Variants in SCHIP1 observed in about 807,000 individuals in gnomAD.
The protein encoded by SCHIP1 is schwannomin interacting protein 1.
Under a neutral mutation model 29.7 loss-of-function variants are expected in SCHIP1, and 8 were observed. The ratio of observed to expected loss-of-function variants is 0.27; its 90% CI spans 0.16 to 0.49. The LOEUF (loss-of-function observed/expected upper bound fraction) is 0.49, where lower values mean the gene tolerates loss of function less well. SCHIP1 is among the 20% of genes least tolerant of loss of function. The pLI is 0.99. For missense variants in SCHIP1, 193 were observed against 294.6 expected (o/e 0.66, Z 2.52); for synonymous variants, 76 against 94.9 (o/e 0.80, Z 1.16).
At chr3:159,782,892 C>T in the SCHIP1 span, among the ~76,000 whole-genome samples, 1 of 152,176 alleles carries the variant, frequency 6.6e-6, no homozygotes, top group Admixed American at 6.5e-5. Context: ...CTCAACACAC[C>T]CAGAGAGCTC....
At chr3:159,282,273 C>T in the SCHIP1 span, among the ~76,000 whole-genome samples, 1 of 151,866 alleles carries the variant, frequency 6.6e-6, no homozygotes, top group Non-Finnish European at 1.5e-5. Context: ...TGAAAGTGGC[C>T]TGTGTTTAAA....
the SCHIP1 span, among the ~76,000 whole-genome samples, chr3:159,325,544 C>G: frequency 2.0e-5 from 3 of 152,134 alleles, no homozygotes; most frequent in African/African-American, 7.2e-5. Flanking sequence ...GATTCTGAAT[C>G]CAAATGGCCT....
the SCHIP1 span, chr3:159,375,832 T>C: frequency 1.3e-6 from 1 of 785,388 alleles, no homozygotes; most frequent in Non-Finnish European, 1.5e-6. Context: ...GCAGGAATCA[T>C]CAATGAAAGG....
the SCHIP1 span, among the ~76,000 whole-genome samples, chr3:159,351,562 T>G: frequency 1.3e-5 from 2 of 152,136 alleles, no homozygotes; most frequent in East Asian, 3.9e-4. Context: ...ATATTTCTAT[T>G]TAAAATTTTT....
chr3:159,493,990 T>A, the SCHIP1 span, among the ~76,000 whole-genome samples: 1 of 152,058 alleles, frequency 6.6e-6, no homozygotes, highest in Non-Finnish European at 1.5e-5. Flanking sequence ...AACAACCTGC[T>A]CCTGAATGAC....
chr3:159,480,817 G>A, the SCHIP1 span, among the ~76,000 whole-genome samples: 36 of 152,266 alleles, frequency 2.4e-4, no homozygotes, highest in African/African-American at 7.7e-4. Flanking sequence ...TGTGAACAGA[G>A]TCCACCAAAT....
the SCHIP1 span, among the ~76,000 whole-genome samples, chr3:159,811,841 GGAA>G: frequency 1.3e-5 from 2 of 152,042 alleles, no homozygotes; most frequent in Non-Finnish European, 2.9e-5. Flanking sequence ...AATTTTTATA[GGAA>G]TTATGTTGAA....
chr3:159,440,401 C>T, the SCHIP1 span, among the ~76,000 whole-genome samples: 1 of 152,056 alleles, frequency 6.6e-6, no homozygotes, highest in African/African-American at 2.4e-5. Context: ...CCTCAAAAAG[C>T]TTGCTTAATG....
chr3:159,867,456 G>A lies in SCHIP1; in HGVS notation c.149+1175G>A, dbSNP rs181469006. Among the ~76,000 whole-genome samples, 11 of 152,238 alleles carry A rather than the reference G, an allele frequency of 7.2e-5. No individual in the cohort carries two copies. In the East Asian group the frequency reaches 7.7e-4, roughly 11 times the overall value. On this transcript the variant is annotated intron_variant, in intron 2 of 6. Coordinates refer to ENST00000445224, the Ensembl canonical transcript of SCHIP1. ...GAGAGATTCTAAATCAGCAAAAATC[G>A]GAAAGCAGAAAGCAGACACATGCTC...
chr3:159,764,906 G>C, the SCHIP1 span: 2 of 1,542,958 alleles, frequency 1.3e-6, no homozygotes, highest in South Asian at 2.4e-5. The surrounding 1 kb of genome is among the most constrained non-coding windows in gnomAD (Gnocchi z 6.1). Flanking sequence ...AGCTGTTCCC[G>C]GGGCCCCCGC....
At chr3:159,279,182 A>G in the SCHIP1 span, among the ~76,000 whole-genome samples, 87 of 152,274 alleles carry the variant, frequency 5.7e-4, 1 homozygote, top group South Asian at 0.011. Flanking sequence ...GGGTAATTGA[A>G]TCATGGGAGC....
the SCHIP1 span, among the ~76,000 whole-genome samples, chr3:159,282,092 G>A: frequency 1.4e-4 from 22 of 151,946 alleles, no homozygotes; most frequent in Non-Finnish European, 3.1e-4. Flanking sequence ...ATTGAACTAT[G>A]CCACTATAGT....
At chr3:159,670,049 T>C in the SCHIP1 span, among the ~76,000 whole-genome samples, 1 of 152,190 alleles carries the variant, frequency 6.6e-6, no homozygotes, top group East Asian at 1.9e-4. Context: ...GAATCTACCT[T>C]GAGGGATGAT....
the SCHIP1 span, among the ~76,000 whole-genome samples, chr3:159,443,077 C>T: frequency 1.3e-5 from 2 of 152,020 alleles, no homozygotes; most frequent in Admixed American, 1.3e-4. Flanking sequence ...TGGTTGGAAC[C>T]CAAATACATT....
the SCHIP1 span, among the ~76,000 whole-genome samples, chr3:159,322,456 C>CA: frequency 6.6e-6 from 1 of 152,182 alleles, no homozygotes; most frequent in Non-Finnish European, 1.5e-5. Context: ...GCTCTGCTGT[C>CA]AGAGTACGAG....
At chr3:159,866,980 G>A (rs1015793869) in intron 2 of SCHIP1, among the ~76,000 whole-genome samples, 34 of 152,136 alleles carry the variant, frequency 2.2e-4, no homozygotes, top group African/African-American at 8.2e-4. Flanking sequence ...TGATTCAGTA[G>A]ATCTAGGTGG....
the SCHIP1 span, among the ~76,000 whole-genome samples, chr3:159,395,296 G>A: frequency 2.6e-5 from 4 of 152,004 alleles, no homozygotes; most frequent in Admixed American, 2.6e-4. Context: ...ATTTTTTGAA[G>A]GGTTTTTTGT....
the SCHIP1 span, among the ~76,000 whole-genome samples, chr3:159,542,710 A>C: frequency 6.6e-6 from 1 of 152,026 alleles, no homozygotes; most frequent in Non-Finnish European, 1.5e-5. Flanking sequence ...ATGCTTAATA[A>C]GTTATATCCT....
At chr3:159,545,461 T>G in the SCHIP1 span, among the ~76,000 whole-genome samples, 1 of 151,900 alleles carries the variant, frequency 6.6e-6, no homozygotes, top group Non-Finnish European at 1.5e-5. Flanking sequence ...AACATCAGAC[T>G]CCATGTTCTT....
Sources: gnomAD v4.1 joint callset for allele counts (sites outside exome capture counted in the v4.1 genomes callset) on GRCh38, gnomAD v4.1.1 for gene constraint, Gnocchi (gnomAD v3.1) non-coding constraint, MANE v1.5 for transcripts, NCBI Gene and HGNC (gene_info 2026-07-23, HGNC 2026-07-21) for gene names.